The following CELF6 variants were observed in gnomAD, a reference collection of about 807,000 sequenced individuals.
CELF6 encodes Bruno -like 6, RNA binding protein.
CELF6 carries 32 observed loss-of-function variants against 53.1 expected under a neutral mutation model. The ratio of observed to expected loss-of-function variants is 0.60; its 90% CI spans 0.46 to 0.81. The LOEUF (loss-of-function observed/expected upper bound fraction) is 0.81, where lower values mean the gene tolerates loss of function less well. CELF6 is among the 30% of genes least tolerant of loss of function. The pLI is 0.00. For missense variants in CELF6, 539 were observed against 669.5 expected, an observed-to-expected ratio of 0.81 and a Z score of 2.15; for synonymous variants, 291 against 288.8, an observed-to-expected ratio of 1.01 and a Z score of -0.08.
chr15:72,316,960 G>A (rs1595787734), intron 1 of CELF6, among the ~76,000 whole-genome samples: 2 of 152,290 alleles, frequency 1.3e-5, no homozygotes, highest in African/African-American at 4.8e-5. Context: ...TCGAGAACAA[G>A]AACACTGAGT....
intron 11 of CELF6, among the ~76,000 whole-genome samples, 189 bp from the exon 12 acceptor site, chr15:72,287,581 G>A (rs2087939114): frequency 1.3e-5 from 2 of 152,232 alleles, no homozygotes; most frequent in South Asian, 4.1e-4. Context: ...TTCTTGGAAG[G>A]ATAGGAAGCA....
chr15:72,295,797 CTT>C (rs2088070560), intron 3 of CELF6, among the ~76,000 whole-genome samples: 1 of 151,594 alleles, frequency 6.6e-6, no homozygotes, highest in African/African-American at 2.4e-5. Flanking sequence ...GATTCGAAGA[CTT>C]AATATTGCTA....
chr15:72,306,766 G>C (rs1206504330), intron 2 of CELF6, among the ~76,000 whole-genome samples: 1 of 151,808 alleles, frequency 6.6e-6, no homozygotes, highest in Non-Finnish European at 1.5e-5. Flanking sequence ...AGCTTGACAG[G>C]TCTGGACTGG....
chr15:72,309,989 G>A (rs146894040), intron 2 of CELF6, among the ~76,000 whole-genome samples: 19 of 152,242 alleles, frequency 1.2e-4, no homozygotes, highest in African/African-American at 4.1e-4. Flanking sequence ...GTCAGAGGCC[G>A]CACAGACACG....
At chr15:72,306,304 A>G (rs2088229677) in intron 2 of CELF6, 2 of 985,134 alleles carry the variant, frequency 2.0e-6, no homozygotes, top group African/African-American at 1.7e-5. Flanking sequence ...TCATGGAGGA[A>G]GGGGTACTGA....
Position 72,287,310 on chromosome 15 carries a change from G to A in CELF6, c.1401C>T (p.Leu467=). ...MNGFQIGMKR[L]KVQLKRPKDA... is the part of the protein sequence containing the mutation. ...CCTTGGGCCGCTTTAGCTGGACCTT[G>A]AGCCTCTTCATGCCAATTTGAAAGC... Residue 467 remains leucine, a synonymous_variant, in exon 12 of 13, where the codon CTC becomes CTT. Coordinates refer to ENST00000287202, the MANE Select transcript of CELF6 (RefSeq NM_052840.5). 1.2e-6 allele frequency: 2 copies of A among 1,614,194 alleles called. No homozygotes were observed. Among genetic ancestry groups the A allele is most frequent in the Non-Finnish European group, 1.7e-6 (2 of 1,180,024 alleles).
In CELF6 at chr15:72,289,996, C is replaced by G; in HGVS notation, c.546G>C (p.Gly182=). The G allele has an allele frequency of 6.2e-7, 1 of 1,601,822 alleles. No homozygotes were observed. Among genetic ancestry groups the G allele is most frequent in the Non-Finnish European group, 8.5e-7 (1 of 1,174,536 alleles). ...TSKGCAFVKF[G]SQGEAQAAIR... ...TGGCCGCCTGAGCTTCCCCTTGACT[C>G]CCGAACTTCACAAAGGCACAGCCTG... Residue 182 remains glycine, a synonymous_variant, in exon 5 of 13, where the codon GGG becomes GGC. Coordinates refer to ENST00000287202, the MANE Select transcript of CELF6 (RefSeq NM_052840.5). The surrounding 1 kb of genome is among the most constrained non-coding windows in gnomAD (Gnocchi z 7.6).
chr15:72,295,843 T>G (rs181884348), intron 3 of CELF6, among the ~76,000 whole-genome samples: 192 of 152,300 alleles, frequency 1.3e-3, no homozygotes, highest in African/African-American at 4.1e-3. Flanking sequence ...ATCTACAGAT[T>G]TAATGTAATC....
chr15:72,300,626 C>T (rs1361188576), intron 3 of CELF6, among the ~76,000 whole-genome samples: 3 of 152,064 alleles, frequency 2.0e-5, no homozygotes, highest in Admixed American at 2.0e-4. Context: ...TTGTGGTCAG[C>T]AGTTCAAGAC....
At chr15:72,308,300 C>T (rs1373681416) in intron 2 of CELF6, among the ~76,000 whole-genome samples, 2 of 152,154 alleles carry the variant, frequency 1.3e-5, no homozygotes, top group Non-Finnish European at 2.9e-5. Context: ...GTAATCTCGC[C>T]TCACCGAAAC....
At chr15:72,304,893 C>T in intron 2 of CELF6, 99 bp from the exon 3 acceptor site, 2 of 1,009,384 alleles carry the variant, frequency 2.0e-6, no homozygotes, top group Admixed American at 1.9e-5. Flanking sequence ...TGAGCCCTAG[C>T]CCCTTTGAAC....
chr15:72,317,174 C>T (rs188975268), intron 1 of CELF6, among the ~76,000 whole-genome samples: 65 of 152,188 alleles, frequency 4.3e-4, no homozygotes, highest in Non-Finnish European at 1.9e-4. Flanking sequence ...GGATTTTGAA[C>T]TTTTTCCTAA....
intron 1 of CELF6, among the ~76,000 whole-genome samples, chr15:72,317,797 A>T (rs1240974218): frequency 6.6e-6 from 1 of 152,162 alleles, no homozygotes; most frequent in African/African-American, 2.4e-5. Flanking sequence ...CTGACGTCCA[A>T]ACCGGGCAGG....
chr15:72,318,502 A>C (rs995153748), intron 1 of CELF6, among the ~76,000 whole-genome samples: 1 of 152,076 alleles, frequency 6.6e-6, no homozygotes, highest in Non-Finnish European at 1.5e-5. Context: ...AGGAGATAAG[A>C]GTGTTCCTTC....
rs994066873 is a variant in CELF6, at chr15:72,319,927, C to G, written c.-53G>C. The G allele has an allele frequency of 9.5e-5, 134 of 1,409,486 alleles. No homozygotes were observed. The highest frequency in any genetic ancestry group is 1.2e-4 in the Non-Finnish European group (128 of 1,089,552). The allele number at this position is 1,409,486 out of a possible 1,614,324, so 87.3% of individuals were successfully genotyped here. On this transcript the variant is annotated 5_prime_UTR_variant, in exon 1 of 13. Transcript: ENST00000287202. The surrounding 1 kb of genome is among the most constrained non-coding windows in gnomAD (Gnocchi z 5.0). The stretch of plus-strand genomic sequence containing the variant: ...GTCCCACTGGTCCCGCCTGTCCCGC[C>G]GTCCCCTCCCTGGACCGGTGGCGAG...
Position 72,319,495 on chromosome 15 carries a change from G to A in CELF6, c.262+118C>T. The A allele has an allele frequency of 2.7e-6, 3 of 1,124,160 alleles. No individual in the cohort carries two copies. The highest frequency in any genetic ancestry group is 2.5e-6 in the Non-Finnish European group (2 of 814,050). The allele number at this position is 1,124,160 out of a possible 1,614,324, so 69.6% of individuals were successfully genotyped here. A position where few individuals can be genotyped will look rare whatever the true frequency, so the allele number is the denominator to read the frequency against. On this transcript the variant is annotated intron_variant, in intron 1 of 12. Transcript: ENST00000287202. This position sits in a 1 kb window ranked among gnomAD's most constrained non-coding sequence, Gnocchi z 5.0. Reference sequence around the variant, plus strand: ...GGGAAGGGGGCTGGGCTGAGGTGGGGCTGATATTGGACTGGTGTTGGACTG... The same window carrying A: ...GGGAAGGGGGCTGGGCTGAGGTGGGACTGATATTGGACTGGTGTTGGACTG...
intron 3 of CELF6, among the ~76,000 whole-genome samples, chr15:72,298,818 C>G (rs1334502587): frequency 6.6e-6 from 1 of 152,142 alleles, no homozygotes; most frequent in Non-Finnish European, 1.5e-5. Flanking sequence ...CTATGCCGAA[C>G]AGCAAATAAA....
Position 72,284,979 on chromosome 15 carries a change from G to A in CELF6, c.*1392C>T, listed in dbSNP as rs1400883498. ...GCCCAGGAAAGGCTGACCAAGGCAA[G>A]GTGAGTCATGGTGTTCTAAGCTGAA... On this transcript the variant is annotated 3_prime_UTR_variant, in exon 13 of 13. Coordinates refer to ENST00000287202, the MANE Select transcript of CELF6 (RefSeq NM_052840.5). 6.5e-6 allele frequency: 1 copy of A among 152,694 alleles called. No individual in the cohort carries two copies. Among genetic ancestry groups the A allele is most frequent in the Non-Finnish European group, 1.5e-5 (1 of 68,084 alleles). 9.5% of individuals were successfully genotyped at this position (152,694 alleles called of 1,614,324 possible).
intron 2 of CELF6, among the ~76,000 whole-genome samples, chr15:72,313,384 G>A (rs753572723): frequency 1.3e-5 from 2 of 152,214 alleles, no homozygotes; most frequent in Non-Finnish European, 2.9e-5. Context: ...ATCACTTGAG[G>A]CCAGAAGTTC....
Sources: allele counts gnomAD v4.1 joint callset (sites outside exome capture counted in the v4.1 genomes callset), GRCh38; gene constraint gnomAD v4.1.1; non-coding constraint Gnocchi (gnomAD v3.1); transcripts MANE v1.5; gene names NCBI Gene and HGNC (gene_info 2026-07-23, HGNC 2026-07-21).